The following CRTC3 variants were observed in gnomAD, a reference collection of about 807,000 sequenced individuals.
The protein encoded by CRTC3 is CREB-regulated transcription coactivator 3.
CRTC3 carries 26 observed loss-of-function variants against 74.5 expected under a neutral mutation model. The observed-to-expected ratio is 0.35, with a 90% CI of 0.26 to 0.48. The LOEUF is 0.48. CRTC3 is among the 20% of genes least tolerant of loss of function. The pLI, the probability that CRTC3 is intolerant of heterozygous loss-of-function variation, is 0.99. For synonymous variants in CRTC3, 377 were observed against 325.8 expected (o/e 1.16, Z -1.69); for missense variants, 760 against 787.3 (o/e 0.97, Z 0.41).
intron 1 of CRTC3, among the ~76,000 whole-genome samples, chr15:90,532,882 C>A (rs921036586): frequency 2.7e-5 from 4 of 150,620 alleles, no homozygotes; most frequent in African/African-American, 9.8e-5. Context: ...GTCAAGAGAT[C>A]GAGACCATCC....
At chr15:90,534,231 G>A (rs1966680907) in intron 1 of CRTC3, among the ~76,000 whole-genome samples, 1 of 152,122 alleles carries the variant, frequency 6.6e-6, no homozygotes, top group Non-Finnish European at 1.5e-5. Flanking sequence ...AATGGGTGAG[G>A]AAGGTGAGAA....
In CRTC3 at chr15:90,580,414, TTTC is replaced by T. The variant is rs776612859; in HGVS notation, c.232-13210_232-13208del. Reference sequence around the variant, plus strand: ...TTCCTTAGTGTCAGTCCCGCTGGTTTTTCTTCTTCTTCTTTTTTTTTTTTTTCC... The same window carrying T: ...TTCCTTAGTGTCAGTCCCGCTGGTTTTTCTTCTTCTTTTTTTTTTTTTTCC... On this transcript the variant is annotated intron_variant, in intron 2 of 14. Coordinates refer to ENST00000268184, the MANE Select transcript of CRTC3 (RefSeq NM_022769.5). 1.8e-4 allele frequency among the ~76,000 whole-genome samples: 28 copies of T among 151,842 alleles called. 1 individual carries two copies. Among genetic ancestry groups the T allele is most frequent in the South Asian group, 8.3e-4 (4 of 4,810 alleles).
chr15:90,602,544 C>A (rs1246626919), intron 4 of CRTC3, among the ~76,000 whole-genome samples, 159 bp downstream of exon 4: 1 of 152,048 alleles, frequency 6.6e-6, no homozygotes, highest in Non-Finnish European at 1.5e-5. Context: ...CACTTGAGAC[C>A]AGGAGTTTTG....
rs566981924 is a variant in CRTC3 at position 90,612,798 on chromosome 15, G to A, written c.578-1655G>A. ...CAGCTTCCACAGCTTTTCTCTCTCT[G>A]CACCTCAGTGTTCACCTGTTCACAC... is the stretch of plus-strand genomic sequence containing the variant. On this transcript the variant is annotated intron_variant, in intron 6 of 14. Transcript: ENST00000268184. Among the ~76,000 whole-genome samples, 5 of 152,216 alleles carry A rather than the reference G, an allele frequency of 3.3e-5. No individual in the cohort carries two copies. In the South Asian group the frequency reaches 8.3e-4, roughly 25 times the overall value.
chr15:90,569,456 A>C (rs1322442606), intron 2 of CRTC3, among the ~76,000 whole-genome samples: 1 of 146,026 alleles, frequency 6.8e-6, no homozygotes. Flanking sequence ...AGTAGCTGAG[A>C]TCACAGGCAT....
At chr15:90,614,996 G>A (rs1461729556) in intron 7 of CRTC3, among the ~76,000 whole-genome samples, 3 of 152,064 alleles carry the variant, frequency 2.0e-5, no homozygotes, top group Non-Finnish European at 2.9e-5. Context: ...CACGGGAGGC[G>A]GAGGTTACAG....
intron 2 of CRTC3, among the ~76,000 whole-genome samples, chr15:90,565,382 C>T (rs1456365347): frequency 6.6e-6 from 1 of 152,186 alleles, no homozygotes; most frequent in Non-Finnish European, 1.5e-5. Context: ...CATATAAATG[C>T]CAATAAAGGC....
At chr15:90,598,481 G>T in intron 3 of CRTC3, 1 of 702,946 alleles carries the variant, frequency 1.4e-6, no homozygotes, top group Non-Finnish European at 2.6e-6. Flanking sequence ...TGTGTTGATG[G>T]ATTGAGGCAG....
At chr15:90,594,268 C>T (rs1215607320) in intron 3 of CRTC3, 1 of 152,322 alleles carries the variant, frequency 6.6e-6, no homozygotes, top group East Asian at 1.9e-4. Context: ...AAATCTCATG[C>T]AGTGATGTAC....
chr15:90,641,315 T>C lies in CRTC3; in HGVS notation c.1651+116T>C, dbSNP rs1442272844. ...TATAAAGCAAAAAGTTAACGTTCCCTGGGTCGACTTGACTTTTTGAGATGC... is the reference window on the plus strand; with the variant it reads ...TATAAAGCAAAAAGTTAACGTTCCCCGGGTCGACTTGACTTTTTGAGATGC... On this transcript the variant is annotated intron_variant, in intron 14 of 14. Coordinates refer to ENST00000268184, the MANE Select transcript of CRTC3 (RefSeq NM_022769.5). 1.3e-5 allele frequency: 9 copies of C among 719,868 alleles called. No homozygotes were observed. In the East Asian group the frequency reaches 2.5e-4, roughly 20 times the overall value. The allele number at this position is 719,868 out of a possible 1,614,324, so 44.6% of individuals were successfully genotyped here. A position where few individuals can be genotyped will look rare whatever the true frequency, so the allele number is the denominator to read the frequency against.
At chr15:90,542,877 T>G (rs781339790) in intron 2 of CRTC3, among the ~76,000 whole-genome samples, 1 of 152,214 alleles carries the variant, frequency 6.6e-6, no homozygotes, top group Non-Finnish European at 1.5e-5. Context: ...TAATGTATCT[T>G]TGTGATTTGA....
At chr15:90,538,337 C>T (rs1046777580) in intron 1 of CRTC3, among the ~76,000 whole-genome samples, 1 of 145,082 alleles carries the variant, frequency 6.9e-6, no homozygotes, top group Non-Finnish European at 1.5e-5. Context: ...GAAAAAACAC[C>T]ATGTCGTCCT....
intron 2 of CRTC3, among the ~76,000 whole-genome samples, chr15:90,562,487 GTT>G: frequency 6.6e-6 from 1 of 152,090 alleles, no homozygotes; most frequent in Non-Finnish European, 1.5e-5. Flanking sequence ...AAACCAATTT[GTT>G]TTTACCTAGG....
chr15:90,599,120 T>C (rs1968005277), intron 3 of CRTC3: 1 of 151,502 alleles, frequency 6.6e-6, no homozygotes. Flanking sequence ...TCCATGTGAG[T>C]GTGGGGATTT....
chr15:90,556,791 T>C (rs1596081101), intron 2 of CRTC3, among the ~76,000 whole-genome samples: 1 of 152,096 alleles, frequency 6.6e-6, no homozygotes, highest in South Asian at 2.1e-4. Flanking sequence ...AGAGTTGATA[T>C]AGATACTTTC....
intron 1 of CRTC3, among the ~76,000 whole-genome samples, chr15:90,535,402 TGGAGGTCATCAGA>T (rs999966710): frequency 1.1e-4 from 17 of 152,178 alleles, no homozygotes; most frequent in Non-Finnish European, 1.6e-4. Context: ...TCTAGTCATG[TGGAGGTCATCAGA>T]GGAGGTCATC....
At chr15:90,617,221 A>T (rs1968516892) in intron 7 of CRTC3, among the ~76,000 whole-genome samples, 1 of 152,022 alleles carries the variant, frequency 6.6e-6, no homozygotes, top group South Asian at 2.1e-4. Flanking sequence ...CCTCTTCTGC[A>T]CTTCATCTCT....
At chr15:90,595,658 TG>T (rs1283577688) in intron 3 of CRTC3, 1 of 152,204 alleles carries the variant, frequency 6.6e-6, no homozygotes, top group Non-Finnish European at 1.5e-5. Context: ...TTAAACATTA[TG>T]CTATATATAC....
intron 11 of CRTC3, among the ~76,000 whole-genome samples, chr15:90,632,581 T>C (rs1969078761): frequency 6.6e-6 from 1 of 152,176 alleles, no homozygotes; most frequent in Non-Finnish European, 1.5e-5. Context: ...CTGTCAACCA[T>C]TTTAACTAAT....
Sources: allele counts gnomAD v4.1 joint callset (sites outside exome capture counted in the v4.1 genomes callset), GRCh38; gene constraint gnomAD v4.1.1; transcripts MANE v1.5; gene names NCBI Gene and HGNC (gene_info 2026-07-23, HGNC 2026-07-21).